The following PTPRD variants were observed in gnomAD, a reference collection of about 807,000 sequenced individuals.
The protein encoded by PTPRD is receptor-type tyrosine-protein phosphatase delta.
In PTPRD, 34 loss-of-function variants were observed where a neutral mutation model predicts 214.5. The ratio of observed to expected loss-of-function variants is 0.16; its 90% CI spans 0.12 to 0.21. The LOEUF (loss-of-function observed/expected upper bound fraction) is 0.21, where lower values mean the gene tolerates loss of function less well. Among genes scored for constraint, PTPRD ranks in the 10% least tolerant of loss-of-function variants. The pLI is 1.00. For missense variants in PTPRD, 2,545 were observed against 2,398.7 expected (o/e 1.06, Z -1.27); for synonymous variants, 1,128 against 845.7 (o/e 1.33, Z -5.79).
chr9:9,303,432 TG>T (rs1249659466), intron 9 of PTPRD, among the ~76,000 whole-genome samples: 1 of 152,092 alleles, frequency 6.6e-6, no homozygotes, highest in African/African-American at 2.4e-5. Context: ...GTATTTTCTA[TG>T]TTTCTCACTT....
rs191443272 is a variant in PTPRD at position 10,223,462 on chromosome 9, A to T, written c.-545+117501T>A. ...GGCAGATCACTTGAGGCCAGGAGTT[A>T]GGACCAGCCTGGCCAATGTGGCAAA... On this transcript the variant is annotated intron_variant, in intron 3 of 45. Transcript: ENST00000381196. 5.2e-3 allele frequency among the ~76,000 whole-genome samples: 792 copies of T among 151,940 alleles called. 4 individuals carry two copies. The highest frequency in any genetic ancestry group is 0.018 in the African/African-American group (755 of 41,498).
At chr9:9,985,227 C>G (rs576616621) in intron 4 of PTPRD, among the ~76,000 whole-genome samples, 1 of 152,248 alleles carries the variant, frequency 6.6e-6, no homozygotes, top group Admixed American at 6.5e-5. Context: ...CAAATTTGTC[C>G]TCTTGTGCGT....
chr9:10,537,630 C>T (rs867168519), intron 2 of PTPRD, among the ~76,000 whole-genome samples: 11 of 152,078 alleles, frequency 7.2e-5, no homozygotes, highest in Admixed American at 7.2e-4. Context: ...CTTTTCTTTA[C>T]ATGATTTCCT....
At chr9:9,817,142 G>T (rs1032170554) in intron 5 of PTPRD, among the ~76,000 whole-genome samples, 1 of 152,032 alleles carries the variant, frequency 6.6e-6, no homozygotes, top group African/African-American at 2.4e-5. Flanking sequence ...GAATCATGAG[G>T]GAGACAAGTC....
At chr9:9,936,235 A>C (rs13286802) in intron 5 of PTPRD, among the ~76,000 whole-genome samples, 10,724 of 148,378 alleles carry the variant, frequency 0.072, 627 homozygotes, top group Admixed American at 0.18. Context: ...AATGGGATCT[A>C]ATTAAACTAA....
intron 10 of PTPRD, among the ~76,000 whole-genome samples, chr9:9,102,674 A>C (rs2154442573): frequency 6.6e-6 from 1 of 152,334 alleles, no homozygotes; most frequent in Non-Finnish European, 1.5e-5. Flanking sequence ...CATTTTCTTA[A>C]ATATACAGAC....
intron 8 of PTPRD, among the ~76,000 whole-genome samples, chr9:9,431,921 G>A: frequency 2.0e-5 from 2 of 99,400 alleles, no homozygotes; most frequent in Non-Finnish European, 3.8e-5. Context: ...GGGGAGGGGG[G>A]AGGGGTAGCA....
intron 11 of PTPRD, among the ~76,000 whole-genome samples, chr9:8,872,126 C>T (rs1262123437): frequency 6.6e-6 from 1 of 152,200 alleles, no homozygotes; most frequent in Non-Finnish European, 1.5e-5. Flanking sequence ...ACAAGTGGTA[C>T]CACCTGTGCT....
chr9:9,692,955 A>T lies in PTPRD; in HGVS notation c.-287+41578T>A, dbSNP rs531269625. Among the ~76,000 whole-genome samples the T allele has an allele frequency of 7.2e-5, 11 of 152,112 alleles. No individual in the cohort carries two copies. In the East Asian group the frequency reaches 2.1e-3, roughly 29 times the overall value. ...CTGTTGGCATATAGAAATGATACTG[A>T]TTACTGTATGTTGATTTTGTAACCT... On this transcript the variant is annotated intron_variant, in intron 7 of 45. Coordinates refer to ENST00000381196, the MANE Select transcript of PTPRD (RefSeq NM_002839.4).
chr9:9,182,086 G>A (rs1244369773), intron 10 of PTPRD, among the ~76,000 whole-genome samples: 9 of 152,060 alleles, frequency 5.9e-5, no homozygotes, highest in Admixed American at 5.9e-4. Context: ...GGGAAGGTAA[G>A]CTGAATCTTA....
chr9:8,709,884 G>A (rs1042231212), intron 12 of PTPRD, among the ~76,000 whole-genome samples: 1 of 152,120 alleles, frequency 6.6e-6, no homozygotes, highest in Non-Finnish European at 1.5e-5. Flanking sequence ...GGCAAATGAA[G>A]ATAATAGAGA....
At chr9:9,699,571 C>A (rs1012854192) in intron 7 of PTPRD, among the ~76,000 whole-genome samples, 1 of 152,044 alleles carries the variant, frequency 6.6e-6, no homozygotes, top group East Asian at 1.9e-4. Flanking sequence ...GTTTTTACCC[C>A]CCCAATACAG....
intron 14 of PTPRD, among the ~76,000 whole-genome samples, chr9:8,601,398 G>A (rs969216531): frequency 2.6e-5 from 4 of 152,172 alleles, no homozygotes; most frequent in Non-Finnish European, 5.9e-5. Context: ...AACATAGATA[G>A]TAGCCAGGTA....
At chr9:10,442,956 C>G (rs1178103136) in intron 2 of PTPRD, among the ~76,000 whole-genome samples, 2 of 151,282 alleles carry the variant, frequency 1.3e-5, no homozygotes, top group African/African-American at 4.8e-5. Flanking sequence ...TGAATGTATT[C>G]ACACATGTCT....
At chr9:8,742,143 C>A (rs2033553) in intron 11 of PTPRD, among the ~76,000 whole-genome samples, 105,094 of 151,970 alleles carry the variant, frequency 0.69, 36,375 homozygotes, top group Middle Eastern at 0.74. Context: ...ACTAATATGT[C>A]AGTCAAGCTT....
intron 7 of PTPRD, among the ~76,000 whole-genome samples, chr9:9,591,248 A>G (rs574877957): frequency 3.7e-4 from 56 of 152,018 alleles, no homozygotes; most frequent in African/African-American, 1.3e-3. Flanking sequence ...CTGCGGTGGG[A>G]GGACATATGG....
chr9:10,503,198 A>AAAAAAAAC (rs1555437071), intron 2 of PTPRD, among the ~76,000 whole-genome samples: 2 of 132,460 alleles, frequency 1.5e-5, no homozygotes, highest in Admixed American at 7.1e-5. Context: ...CAATACAAAA[A>AAAAAAAAC]AAAAAAAAAC....
rs3050068 is a variant in PTPRD at position 9,759,555 on chromosome 9, C to CTTTTTTTTTT, written c.-326+7245_-326+7254dup. ...ACATCTTCAAATAGTCAAGGTCTGT[C>CTTTTTTTTTT]TTTTTTTTTTTTTTTTTTTTGAGAT... On this transcript the variant is annotated intron_variant, in intron 6 of 45. Coordinates refer to ENST00000381196, the MANE Select transcript of PTPRD (RefSeq NM_002839.4). Among the ~76,000 whole-genome samples the CTTTTTTTTTT allele has an allele frequency of 6.5e-4, 77 of 117,806 alleles. 1 individual carries two copies. Among genetic ancestry groups the CTTTTTTTTTT allele is most frequent in the African/African-American group, 2.6e-3 (75 of 29,256 alleles). The allele number at this position is 117,806 out of a possible 152,430, so 77.3% of individuals were successfully genotyped here.
At chr9:9,378,994 GT>G (rs137912231) in intron 9 of PTPRD, among the ~76,000 whole-genome samples, 35,455 of 151,164 alleles carry the variant, frequency 0.23, 4,243 homozygotes, top group Middle Eastern at 0.38. Context: ...AAAATCAGAA[GT>G]TTTTTTATTT....
Sources: gnomAD v4.1 joint callset for allele counts (sites outside exome capture counted in the v4.1 genomes callset) on GRCh38, gnomAD v4.1.1 for gene constraint, MANE v1.5 for transcripts, NCBI Gene and HGNC (gene_info 2026-07-23, HGNC 2026-07-21) for gene names.